The following WDR93 variants were observed in gnomAD, a reference collection of about 807,000 sequenced individuals.
WDR93 encodes the protein WD repeat-containing protein 93.
A neutral mutation model predicts 82.9 loss-of-function variants in WDR93; 73 were observed. The observed-to-expected ratio is 0.88, with a 90% CI of 0.73 to 1.07. The LOEUF is 1.07. Among genes scored for constraint, WDR93 ranks in the 50% least tolerant of loss-of-function variants. WDR93 has a pLI of 0.00. For synonymous variants in WDR93, 283 were observed against 300.1 expected, an observed-to-expected ratio of 0.94 and a Z score of 0.59; for missense variants, 738 against 826.0, an observed-to-expected ratio of 0.89 and a Z score of 1.31.
intron 14 of WDR93, among the ~76,000 whole-genome samples, chr15:89,736,792 G>GC (rs1967214117): frequency 6.7e-6 from 1 of 149,812 alleles, no homozygotes; most frequent in Non-Finnish European, 1.5e-5. Flanking sequence ...GTCAAAGGGG[G>GC]CTTTTTTTTT....
intron 4 of WDR93, among the ~76,000 whole-genome samples, chr15:89,711,292 G>T (rs553213288): frequency 5.3e-5 from 8 of 152,190 alleles, no homozygotes. Context: ...TAGGACAAAT[G>T]ACACGGTTTC....
At chr15:89,709,423 A>C (rs1172461094) in intron 4 of WDR93, among the ~76,000 whole-genome samples, 3 of 152,118 alleles carry the variant, frequency 2.0e-5, no homozygotes, top group African/African-American at 7.2e-5. Flanking sequence ...CAAACTGCTA[A>C]TAAAGGCCTT....
chr15:89,721,767 A>AGT (rs61538015), intron 7 of WDR93, among the ~76,000 whole-genome samples: 64,974 of 151,708 alleles, frequency 0.43, 14,433 homozygotes, highest in African/African-American at 0.49. Context: ...TGGGACTACA[A>AGT]GTGTGTCACC....
At chr15:89,732,930 C>A in intron 12 of WDR93, 76 bp from the exon 13 acceptor site, 1 of 1,358,186 alleles carries the variant, frequency 7.4e-7, no homozygotes, top group Non-Finnish European at 1.0e-6. Flanking sequence ...CACACACTTG[C>A]TGGTCACAGC....
chr15:89,739,081 A>C (rs1596131777), intron 16 of WDR93, among the ~76,000 whole-genome samples: 1 of 150,222 alleles, frequency 6.7e-6, no homozygotes, highest in African/African-American at 2.5e-5. Flanking sequence ...GTGCCATTGC[A>C]CTCCAGCCTG....
At chr15:89,702,099 A>G (rs1195318072) in intron 2 of WDR93, 50 bp downstream of exon 2, 2 of 1,532,276 alleles carry the variant, frequency 1.3e-6, no homozygotes, top group East Asian at 4.5e-5. Flanking sequence ...GTTGAGTGTT[A>G]ATAAATGAAA....
At chr15:89,701,632 G>T in intron 1 of WDR93, 75 bp from the exon 2 acceptor site, 1 of 1,287,476 alleles carries the variant, frequency 7.8e-7, no homozygotes. Context: ...AGGCTATTGT[G>T]CTAGAAAAGG....
intron 13 of WDR93, among the ~76,000 whole-genome samples, chr15:89,734,593 A>G (rs1379916526): frequency 6.6e-6 from 1 of 152,172 alleles, no homozygotes; most frequent in Non-Finnish European, 1.5e-5. Flanking sequence ...AACAGACTCC[A>G]TCTTTTGATG....
rs1420901084 is a variant in WDR93 at position 89,738,119 on chromosome 15, GC to G, written c.1847del (p.Pro616HisfsTer132). ...YSVFYFNFEA[C>X]PLLENISKNC... ...GTTTTCTATTTTAATTTTGAGGCCT[GC>G]CCACTCCTGGAAAATATCTCAAAAA... On this transcript the variant is annotated frameshift_variant, in exon 16 of 17. Coordinates refer to ENST00000268130, the MANE Select transcript of WDR93 (RefSeq NM_020212.2). LOFTEE classifies it high-confidence loss of function. The G allele has an allele frequency of 1.9e-6, 3 of 1,614,114 alleles. No homozygotes were observed. Among genetic ancestry groups the G allele is most frequent in the Non-Finnish European group, 2.5e-6 (3 of 1,180,002 alleles).
chr15:89,694,156 C>G (rs2141572547), intron 1 of WDR93, among the ~76,000 whole-genome samples: 1 of 151,378 alleles, frequency 6.6e-6, no homozygotes, highest in Non-Finnish European at 1.5e-5. Flanking sequence ...TGCTGAACAT[C>G]TTTTTATGAG....
In WDR93 at chr15:89,726,901, C is replaced by T. The variant is rs533974670; in HGVS notation, c.881-256C>T. 3.8e-4 allele frequency among the ~76,000 whole-genome samples: 58 copies of T among 152,158 alleles called. 1 individual carries two copies. Among genetic ancestry groups the T allele is most frequent in the Admixed American group, 1.6e-3 (24 of 15,288 alleles). On this transcript the variant is annotated intron_variant, in intron 8 of 16. Transcript: ENST00000268130. ...CTGGCCTTTGCAAATATTCTGTAATCCAAAAGCAGAGAGAATGATGTTGGG... is the reference window on the plus strand; with the variant it reads ...CTGGCCTTTGCAAATATTCTGTAATTCAAAAGCAGAGAGAATGATGTTGGG...
At chr15:89,690,723 T>A, upstream of WDR93, 1 of 921,410 alleles carries the variant, frequency 1.1e-6, no homozygotes, top group East Asian at 2.8e-5. Flanking sequence ...CAGTCCCAGG[T>A]TATCCGCTGA....
chr15:89,694,450 T>A (rs1596060122), intron 1 of WDR93, among the ~76,000 whole-genome samples: 1 of 152,152 alleles, frequency 6.6e-6, no homozygotes, highest in Non-Finnish European at 1.5e-5. Context: ...TTACCCAGGA[T>A]GGTCTCGCTC....
chr15:89,704,690 ACTTGAGG>A (rs1218033608), intron 3 of WDR93: 4 of 152,156 alleles, frequency 2.6e-5, no homozygotes, highest in Non-Finnish European at 5.9e-5. Context: ...ACATGTGCAG[ACTTGAGG>A]CATCTAGGGA....
chr15:89,727,092 G>A, intron 8 of WDR93, 65 bp from the exon 9 acceptor site: 1 of 1,546,440 alleles, frequency 6.5e-7, no homozygotes, highest in Non-Finnish European at 8.8e-7. Context: ...AGTGGAAGAA[G>A]TAGGGGAAAA....
At chr15:89,723,807 CTT>C (rs1343369879) in intron 8 of WDR93, among the ~76,000 whole-genome samples, 2 of 152,162 alleles carry the variant, frequency 1.3e-5, no homozygotes, top group Non-Finnish European at 2.9e-5. Context: ...AAAAATAAAA[CTT>C]AACCCCTGCC....
intron 7 of WDR93, among the ~76,000 whole-genome samples, chr15:89,717,784 G>C (rs1966328840): frequency 6.6e-6 from 1 of 152,172 alleles, no homozygotes; most frequent in African/African-American, 2.4e-5. Context: ...TCTTAAAAGA[G>C]GGTCCTATGA....
rs769473694 is a variant in WDR93 at position 89,727,346 on chromosome 15, G to C, written c.1052+18G>C. ...CCACTCAGGTGAGCCTCCTAATCCC[G>C]GGAAAGCCAGGGAGCATCCCCAGGC... On this transcript the variant is annotated intron_variant, in intron 9 of 16. Coordinates refer to ENST00000268130, the MANE Select transcript of WDR93 (RefSeq NM_020212.2). The C allele has an allele frequency of 6.2e-7, 1 of 1,610,974 alleles. No individual in the cohort carries two copies. The highest frequency in any genetic ancestry group is 1.7e-5 in the Admixed American group (1 of 59,744).
chr15:89,716,558 T>C (rs1325060467), intron 6 of WDR93, among the ~76,000 whole-genome samples: 1 of 152,254 alleles, frequency 6.6e-6, no homozygotes, highest in Non-Finnish European at 1.5e-5. Context: ...TTAGAGTTAC[T>C]TAAATGTAAT....
Sources: allele counts gnomAD v4.1 joint callset (sites outside exome capture counted in the v4.1 genomes callset), GRCh38; gene constraint gnomAD v4.1.1; transcripts MANE v1.5; gene names NCBI Gene and HGNC (gene_info 2026-07-23, HGNC 2026-07-21).